The following IQSEC1 variants were observed in gnomAD, a reference collection of about 807,000 sequenced individuals.
IQSEC1 encodes IQ motif and SEC7 domain-containing protein 1.
Under a neutral mutation model 91.0 loss-of-function variants are expected in IQSEC1, and 31 were observed. The ratio of observed to expected loss-of-function variants is 0.34; its 90% CI spans 0.26 to 0.46. The LOEUF (loss-of-function observed/expected upper bound fraction) is 0.46. Ranked by LOEUF, IQSEC1 falls within the 20% of genes least tolerant of loss-of-function variation. The probability of loss-of-function intolerance (pLI) is 1.00; values close to 1 mark genes in which losing one functional copy is unlikely to be tolerated. For synonymous variants in IQSEC1, 699 were observed against 662.6 expected (o/e 1.05, Z -0.84); for missense variants, 1,388 against 1,575.6 (o/e 0.88, Z 2.02).
chr3:12,911,274 C>T (rs1695528600), intron 10 of IQSEC1, among the ~76,000 whole-genome samples: 1 of 152,216 alleles, frequency 6.6e-6, no homozygotes, highest in South Asian at 2.1e-4. Flanking sequence ...GTTGCTGTCA[C>T]CTGTGTTCTG....
intron 1 of IQSEC1, among the ~76,000 whole-genome samples, chr3:13,170,750 A>G (rs145689710): frequency 1.6e-4 from 25 of 152,352 alleles, no homozygotes; most frequent in African/African-American, 6.0e-4. Context: ...AGGCAATGCA[A>G]TGGGTGCCAG....
At chr3:13,156,028 G>A (rs1349363913) in intron 2 of IQSEC1, among the ~76,000 whole-genome samples, 2 of 149,206 alleles carry the variant, frequency 1.3e-5, no homozygotes, top group Non-Finnish European at 3.0e-5. Context: ...AGACCAGTCT[G>A]CCCAACATGT....
At chr3:13,047,171 C>T (rs1296020085) in intron 1 of IQSEC1, among the ~76,000 whole-genome samples, 2 of 152,168 alleles carry the variant, frequency 1.3e-5, no homozygotes, top group African/African-American at 4.8e-5. Flanking sequence ...CCTTGGATCT[C>T]GGAAGAACTA....
At chr3:13,206,695 AC>A (rs1694351823) in intron 1 of IQSEC1, among the ~76,000 whole-genome samples, 1 of 152,208 alleles carries the variant, frequency 6.6e-6, no homozygotes, top group Non-Finnish European at 1.5e-5. Context: ...TGTAAGATGG[AC>A]AGCAGTCACC....
At chr3:12,961,116 G>A (rs1246700271) in intron 1 of IQSEC1, among the ~76,000 whole-genome samples, 2 of 152,248 alleles carry the variant, frequency 1.3e-5, no homozygotes, top group South Asian at 2.1e-4. Context: ...CACTGCCCCT[G>A]AGGCCAGGCT....
chr3:12,948,441 C>T (rs1189812564), intron 1 of IQSEC1, among the ~76,000 whole-genome samples: 1 of 152,192 alleles, frequency 6.6e-6, no homozygotes, highest in Non-Finnish European at 1.5e-5. Context: ...TGGCCTGTTC[C>T]CTGGACTGGG....
At chr3:13,079,746 C>T (rs59445940) in intron 2 of IQSEC1, among the ~76,000 whole-genome samples, 2,923 of 152,284 alleles carry the variant, frequency 0.019, 89 homozygotes, top group African/African-American at 0.064. Context: ...CAGTTTGAAG[C>T]GGGCTCACTG....
chr3:13,127,337 C>T (rs1411181689), intron 2 of IQSEC1, among the ~76,000 whole-genome samples: 2 of 152,188 alleles, frequency 1.3e-5, no homozygotes, highest in East Asian at 3.9e-4. Flanking sequence ...TCGCTTGAAC[C>T]CTGGGGGCAG....
intron 1 of IQSEC1, among the ~76,000 whole-genome samples, chr3:13,235,358 C>G (rs955980425): frequency 1.3e-5 from 2 of 152,198 alleles, no homozygotes; most frequent in African/African-American, 2.4e-5. Flanking sequence ...CAATCAATCC[C>G]AACCACTGCT....
intron 1 of IQSEC1, among the ~76,000 whole-genome samples, chr3:13,032,189 A>C (rs1703866689): frequency 6.6e-6 from 1 of 152,234 alleles, no homozygotes; most frequent in Non-Finnish European, 1.5e-5. Flanking sequence ...TCCTAAAGAC[A>C]AGAACGTTTT....
chr3:12,980,675 G>A (rs148184348), intron 1 of IQSEC1, among the ~76,000 whole-genome samples: 4 of 152,266 alleles, frequency 2.6e-5, no homozygotes, highest in African/African-American at 7.2e-5. Context: ...GGAGGGAGGG[G>A]CTGGGATGGG....
intron 1 of IQSEC1, among the ~76,000 whole-genome samples, chr3:12,965,336 T>A (rs1700494304): frequency 1.3e-5 from 2 of 152,184 alleles, no homozygotes; most frequent in African/African-American, 4.8e-5. Context: ...CCGTGCTGCA[T>A]CCCATCCGGG....
intron 3 of IQSEC1, among the ~76,000 whole-genome samples, chr3:12,933,131 C>T (rs1011989313): frequency 1.3e-5 from 2 of 152,188 alleles, no homozygotes; most frequent in South Asian, 2.1e-4. Flanking sequence ...CATACCACCC[C>T]GCAGGGAGAG....
At chr3:13,030,635 A>G (rs928646547) in intron 1 of IQSEC1, among the ~76,000 whole-genome samples, 2 of 152,250 alleles carry the variant, frequency 1.3e-5, no homozygotes, top group Non-Finnish European at 2.9e-5. Context: ...TGTTCCTTCA[A>G]TGAGTACTGC....
chr3:13,250,419 C>CTTTTTTT (rs201786837), intron 1 of IQSEC1, among the ~76,000 whole-genome samples: 1 of 147,108 alleles, frequency 6.8e-6, no homozygotes, highest in African/African-American at 2.6e-5. Context: ...GCCCCACTTT[C>CTTTTTTT]CTTTTTTTTT....
chr3:12,958,646 C>T (rs1201915581), intron 1 of IQSEC1, among the ~76,000 whole-genome samples: 1 of 152,214 alleles, frequency 6.6e-6, no homozygotes, highest in Non-Finnish European at 1.5e-5. Context: ...GGAACATAGA[C>T]CATCTGATTC....
chr3:13,232,876 G>A (rs894493717), intron 1 of IQSEC1, among the ~76,000 whole-genome samples: 4 of 152,120 alleles, frequency 2.6e-5, no homozygotes, highest in Non-Finnish European at 5.9e-5. Flanking sequence ...TATGTGAAGC[G>A]AAATAAGCCC....
chr3:13,015,588 T>C, intron 1 of IQSEC1: 5 of 985,300 alleles, frequency 5.1e-6, no homozygotes, highest in Non-Finnish European at 4.8e-6. Context: ...AGTCTCAAAG[T>C]GGAGGGGGCG....
At chr3:13,122,850 C>T (rs993011118) in intron 2 of IQSEC1, among the ~76,000 whole-genome samples, 5 of 152,184 alleles carry the variant, frequency 3.3e-5, no homozygotes, top group Non-Finnish European at 7.4e-5. Flanking sequence ...GGGGAGGCAG[C>T]GTCCCTGTAC....
Sources: allele counts gnomAD v4.1 joint callset (sites outside exome capture counted in the v4.1 genomes callset), GRCh38; gene constraint gnomAD v4.1.1; transcripts MANE v1.5; gene names NCBI Gene and HGNC (gene_info 2026-07-23, HGNC 2026-07-21).